FAP: variants seen among roughly 807,000 people sequenced by gnomAD.
FAP encodes prolyl endopeptidase FAP.
In FAP, 110 loss-of-function variants were observed where a neutral mutation model predicts 126.5. That is an observed-to-expected ratio of 0.87 (90% CI 0.74 to 1.02). The LOEUF is 1.02. FAP is among the 50% of genes least tolerant of loss of function. The pLI is 0.00. For missense variants in FAP, 919 were observed against 909.2 expected (o/e 1.01, Z -0.14); for synonymous variants, 334 against 297.3 (o/e 1.12, Z -1.27).
At chr2:162,239,798 A>C (rs2106307469) in intron 2 of FAP, among the ~76,000 whole-genome samples, 1 of 152,344 alleles carries the variant, frequency 6.6e-6, no homozygotes, top group East Asian at 1.9e-4. Flanking sequence ...AAACGAGGTC[A>C]AATAGTTCCT....
chr2:162,228,977 A>G (rs751450932), intron 2 of FAP, among the ~76,000 whole-genome samples: 24 of 152,300 alleles, frequency 1.6e-4, no homozygotes, highest in Non-Finnish European at 3.1e-4. Flanking sequence ...AAATTTAAAA[A>G]TGTATAAAGT....
Position 162,215,094 on chromosome 2 carries a change from T to C in FAP, c.866+804A>G, listed in dbSNP as rs3788971. The stretch of plus-strand genomic sequence containing the variant: ...CTCGATCAGGGTGGGGAATAGCAGA[T>C]AATTCAAAAATATAAAGTCATGTTT... On this transcript the variant is annotated intron_variant, in intron 10 of 25. Coordinates refer to ENST00000188790, the MANE Select transcript of FAP (RefSeq NM_004460.5). Among the ~76,000 whole-genome samples the C allele has an allele frequency of 1.1e-4, 16 of 152,320 alleles. No homozygotes were observed. In the East Asian group the frequency reaches 3.1e-3, roughly 29 times the overall value.
At chr2:162,235,336 G>A (rs1228783754) in intron 2 of FAP, among the ~76,000 whole-genome samples, 4 of 152,316 alleles carry the variant, frequency 2.6e-5, no homozygotes, top group African/African-American at 7.2e-5. Context: ...CTCCACCTGC[G>A]GCTCCGGTGC....
At chr2:162,177,687 A>C (rs1687531357) in intron 21 of FAP, among the ~76,000 whole-genome samples, 1 of 152,120 alleles carries the variant, frequency 6.6e-6, no homozygotes, top group African/African-American at 2.4e-5. Flanking sequence ...AACGTCATTT[A>C]ACACTCTCTA....
At chr2:162,232,409 C>T (rs976547414) in intron 2 of FAP, among the ~76,000 whole-genome samples, 6 of 152,102 alleles carry the variant, frequency 3.9e-5, no homozygotes, top group African/African-American at 1.4e-4. Context: ...TGCCACTATA[C>T]TATAATTAAA....
intron 15 of FAP, 56 bp downstream of exon 15, chr2:162,200,509 CT>C: frequency 1.0e-6 from 1 of 979,050 alleles, no homozygotes; most frequent in Non-Finnish European, 1.6e-6. Flanking sequence ...GGGATGATGA[CT>C]TTTTATATTA....
chr2:162,199,855 T>A (rs1449654656), intron 15 of FAP, among the ~76,000 whole-genome samples: 2 of 152,230 alleles, frequency 1.3e-5, no homozygotes, highest in Non-Finnish European at 2.9e-5. Context: ...AGGGTTAGTA[T>A]GTTAACATAT....
At chr2:162,218,192 T>C (rs765154904) in intron 8 of FAP, 52 bp from the exon 9 acceptor site, 1 of 1,203,146 alleles carries the variant, frequency 8.3e-7, no homozygotes, top group Non-Finnish European at 1.2e-6. Context: ...ACTCTTAAAA[T>C]CATTGTAAAT....
chr2:162,187,239 C>G (rs1167066410), intron 20 of FAP, among the ~76,000 whole-genome samples: 1 of 151,992 alleles, frequency 6.6e-6, no homozygotes, highest in Non-Finnish European at 1.5e-5. Flanking sequence ...CTGCATGTTG[C>G]AGTGAAATCA....
At chr2:162,232,594 C>T (rs925290914) in intron 2 of FAP, among the ~76,000 whole-genome samples, 1 of 152,176 alleles carries the variant, frequency 6.6e-6, no homozygotes, top group African/African-American at 2.4e-5. Flanking sequence ...AAACTACTTA[C>T]TGCTACTATT....
At chr2:162,171,305 G>C (rs1687296506) in intron 25 of FAP, 1 of 418,296 alleles carries the variant, frequency 2.4e-6, no homozygotes, top group East Asian at 3.9e-5. Context: ...TTAGATCTCA[G>C]TGGCTGAGAT....
chr2:162,193,902 G>A (rs1470474232), intron 17 of FAP: 1 of 152,260 alleles, frequency 6.6e-6, no homozygotes, highest in South Asian at 2.1e-4. Context: ...GCTGAAGAAA[G>A]TGGCATCTGC....
At chr2:162,215,150 A>C (rs929477917) in intron 10 of FAP, among the ~76,000 whole-genome samples, 2 of 152,242 alleles carry the variant, frequency 1.3e-5, no homozygotes, top group Admixed American at 1.3e-4. Flanking sequence ...AGCAAGGCCC[A>C]GTAGAAGCCT....
rs1420559859 is a variant in FAP, at chr2:162,174,927, C to T, written c.1909G>A (p.Gly637Arg). 8 of 1,612,734 alleles carry T rather than the reference C, an allele frequency of 5.0e-6. No homozygotes were observed. The highest frequency in any genetic ancestry group is 6.8e-6 in the Non-Finnish European group (8 of 1,179,160). ...ATACCACATTTGAAAAGACCAGTTC[C>T]AGATGCAAGGGCCAGTGATGAAACG... ...GYVSSLALAS[G>R]TGLFKCGIAV... Residue 637 changes from glycine (G) to arginine (R), a missense_variant, in exon 22 of 26, where the codon GGA becomes AGA. Transcript: ENST00000188790.
intron 17 of FAP, among the ~76,000 whole-genome samples, chr2:162,190,433 T>C (rs1346727677): frequency 1.3e-5 from 2 of 151,814 alleles, no homozygotes; most frequent in Non-Finnish European, 2.9e-5. Context: ...CTATGCTCTT[T>C]CTCTGTCTTA....
chr2:162,194,754 G>C lies in FAP; in HGVS notation c.1403-6C>G, dbSNP rs1052249447. 2 of 1,613,388 alleles carry C rather than the reference G, an allele frequency of 1.2e-6. No homozygotes were observed. The highest frequency in any genetic ancestry group is 8.5e-7 in the Non-Finnish European group (1 of 1,179,496). On this transcript the variant is annotated splice_polypyrimidine_tract_variant and splice_region_variant and intron_variant, in intron 16 of 25. Transcript: ENST00000188790. ...GGAAATGGGGATGCCTGGGCCTGTG[G>C]GCAGGATGAAAACAAAATCATGGCT...
intron 12 of FAP, 110 bp from the exon 13 acceptor site, chr2:162,203,255 G>A (rs1688568957): frequency 3.1e-6 from 2 of 648,436 alleles, no homozygotes; most frequent in Non-Finnish European, 5.3e-6. Context: ...GAATCAGAAT[G>A]TCTCGCCTCC....
At chr2:162,241,603 G>A (rs1460200963) in intron 2 of FAP, among the ~76,000 whole-genome samples, 1 of 152,092 alleles carries the variant, frequency 6.6e-6, no homozygotes, top group African/African-American at 2.4e-5. Flanking sequence ...TAAAAATCAG[G>A]AGCTAATTTT....
chr2:162,227,744 C>G (rs1417270115), intron 2 of FAP, among the ~76,000 whole-genome samples: 1 of 152,134 alleles, frequency 6.6e-6, no homozygotes, highest in Non-Finnish European at 1.5e-5. Flanking sequence ...ACCCTGCCAG[C>G]TCTTCTTGCT....
Sources: gnomAD v4.1 joint callset for allele counts (sites outside exome capture counted in the v4.1 genomes callset) on GRCh38, gnomAD v4.1.1 for gene constraint, MANE v1.5 for transcripts, NCBI Gene and HGNC (gene_info 2026-07-23, HGNC 2026-07-21) for gene names.